The following REPS2 variants were observed in gnomAD, a reference collection of about 807,000 sequenced individuals.
REPS2 encodes the protein RALBP1 associated Eps domain containing 2.
REPS2 carries 23 observed loss-of-function variants against 53.6 expected under a neutral mutation model. That is an observed-to-expected ratio of 0.43 (90% confidence interval 0.31 to 0.61). The LOEUF is 0.61. Ranked by LOEUF, REPS2 falls within the 20% of genes least tolerant of loss-of-function variation. REPS2 has a pLI of 0.11. For missense variants in REPS2, 446 were observed against 534.9 expected, an observed-to-expected ratio of 0.83 and a Z score of 1.64; for synonymous variants, 238 against 218.6, an observed-to-expected ratio of 1.09 and a Z score of -0.78.
intron 2 of REPS2, among the ~76,000 whole-genome samples, chrX:17,007,417 A>G (rs1300907178): frequency 8.9e-6 from 1 of 112,281 alleles, no homozygotes; most frequent in African/African-American, 3.2e-5. Flanking sequence ...ATAAGCTGCG[A>G]TAACAAATGT....
chrX:16,967,418 G>T (rs1184665818), intron 1 of REPS2, among the ~76,000 whole-genome samples: 1 of 110,155 alleles, frequency 9.1e-6, no homozygotes, highest in Non-Finnish European at 1.9e-5. Context: ...GTTTATGCCT[G>T]TAATCCCAGC....
chrX:16,977,609 G>A (rs1446263642), intron 1 of REPS2, among the ~76,000 whole-genome samples: 1 of 108,346 alleles, frequency 9.2e-6, no homozygotes, highest in African/African-American at 3.4e-5. Context: ...CCAGCTACTC[G>A]GCAGGCTGAG....
downstream of REPS2, among the ~76,000 whole-genome samples, chrX:17,156,875 A>G (rs1338048713): frequency 1.8e-5 from 2 of 112,065 alleles, no homozygotes; most frequent in African/African-American, 3.2e-5. Flanking sequence ...CTGCATCCCA[A>G]TCTTTCTGGA....
In REPS2 at chrX:17,147,528, C is replaced by T. The variant is rs1405776432; in HGVS notation, c.*47C>T. On this transcript the variant is annotated 3_prime_UTR_variant, in exon 18 of 18. Transcript: ENST00000357277. Reference sequence around the variant, plus strand: ...AGTGGGTGACCTTGTCTGCCAAGATCTTTCTTTTGAATGTTTTGAACCCAA... The same window carrying T: ...AGTGGGTGACCTTGTCTGCCAAGATTTTTCTTTTGAATGTTTTGAACCCAA... 1 of 1,033,925 alleles carries T rather than the reference C, an allele frequency of 9.7e-7. No individual in the cohort carries two copies. Among genetic ancestry groups the T allele is most frequent in the East Asian group, 3.1e-5 (1 of 32,519 alleles). 85.2% of individuals were successfully genotyped at this position (1,033,925 alleles called of 1,213,427 possible). A position where few individuals can be genotyped will look rare whatever the true frequency, so the allele number is the denominator to read the frequency against.
intron 13 of REPS2, among the ~76,000 whole-genome samples, chrX:17,083,368 G>A: frequency 9.0e-6 from 1 of 111,351 alleles, no homozygotes; most frequent in Non-Finnish European, 1.9e-5. Flanking sequence ...ACAGGCATGA[G>A]CCACTGCGCC....
intron 14 of REPS2, among the ~76,000 whole-genome samples, chrX:17,111,466 A>G (rs2062970603): frequency 8.9e-6 from 1 of 112,773 alleles, no homozygotes; most frequent in Admixed American, 9.4e-5. Flanking sequence ...ATATCACTTA[A>G]GATGCCACCT....
intron 9 of REPS2, among the ~76,000 whole-genome samples, chrX:17,065,581 GT>G (rs1053302263): frequency 9.0e-6 from 1 of 111,162 alleles, no homozygotes; most frequent in African/African-American, 3.3e-5. Context: ...TTGTTTGTTT[GT>G]TTTTTTGTTT....
intron 13 of REPS2, among the ~76,000 whole-genome samples, chrX:17,097,323 C>T (rs1442762303): frequency 8.9e-6 from 1 of 112,024 alleles, no homozygotes; most frequent in African/African-American, 3.2e-5. Context: ...TACTAATAGA[C>T]TTCTCAATTA....
chrX:17,052,639 C>T (rs1358498908), intron 7 of REPS2, among the ~76,000 whole-genome samples, 194 bp downstream of exon 7: 1 of 112,240 alleles, frequency 8.9e-6, no homozygotes, highest in African/African-American at 3.2e-5. Context: ...ATGTCTGGCA[C>T]GTATTAAGCA....
intron 1 of REPS2, among the ~76,000 whole-genome samples, chrX:16,999,967 A>T (rs1433933469): frequency 2.0e-5 from 2 of 100,320 alleles, no homozygotes; most frequent in Non-Finnish European, 4.0e-5. Flanking sequence ...GAATGGCGTG[A>T]ACCCGGGAGG....
chrX:17,042,053 G>A (rs889720851), intron 5 of REPS2, among the ~76,000 whole-genome samples: 2 of 112,359 alleles, frequency 1.8e-5, no homozygotes, highest in African/African-American at 3.2e-5. Flanking sequence ...GGGGTTGAAT[G>A]TTTTAAATAT....
the REPS2 span, among the ~76,000 whole-genome samples, chrX:17,158,764 A>G: frequency 1.8e-4 from 20 of 112,061 alleles, no homozygotes; most frequent in Admixed American, 1.0e-3. Context: ...GAAAGAAACC[A>G]CTGTGCAGGC....
intron 5 of REPS2, among the ~76,000 whole-genome samples, chrX:17,038,133 G>A (rs1323498390): frequency 1.8e-5 from 2 of 112,585 alleles, no homozygotes; most frequent in African/African-American, 6.5e-5. Flanking sequence ...CTCTCTAGGT[G>A]CTTGCAGTCA....
intron 8 of REPS2, among the ~76,000 whole-genome samples, chrX:17,058,561 C>T (rs1250852632): frequency 9.0e-6 from 1 of 111,353 alleles, no homozygotes; most frequent in African/African-American, 3.3e-5. Flanking sequence ...TTTCCTACTG[C>T]CAATGGCTTC....
intron 2 of REPS2, 136 bp downstream of exon 2, chrX:17,006,480 C>T: frequency 3.4e-6 from 2 of 596,737 alleles, no homozygotes; most frequent in Non-Finnish European, 4.9e-6. Context: ...AATAAGAAAA[C>T]TTGGCAGGTA....
chrX:16,980,314 A>T (rs2061005679), intron 1 of REPS2, among the ~76,000 whole-genome samples: 1 of 94,035 alleles, frequency 1.1e-5, no homozygotes, highest in Non-Finnish European at 2.1e-5. Context: ...TTATTTTTAA[A>T]TTTTTTTTAG....
chrX:16,968,188 CAGA>C (rs1569096310), intron 1 of REPS2, among the ~76,000 whole-genome samples: 1 of 111,502 alleles, frequency 9.0e-6, no homozygotes, highest in Non-Finnish European at 1.9e-5. Flanking sequence ...GATCCCAAGG[CAGA>C]AGAATTTTTC....
chrX:17,178,616 CCA>C, the REPS2 span, among the ~76,000 whole-genome samples: 1 of 111,839 alleles, frequency 8.9e-6, no homozygotes, highest in Non-Finnish European at 1.9e-5. Flanking sequence ...AGACATCTCA[CCA>C]CAGACAGGGG....
At chrX:17,116,361 C>T (rs961956442) in intron 14 of REPS2, among the ~76,000 whole-genome samples, 5 of 109,770 alleles carry the variant, frequency 4.6e-5, no homozygotes, top group African/African-American at 1.0e-4. Flanking sequence ...AGGCGCATGC[C>T]ACCACACCTG....
Sources: gnomAD v4.1 joint callset for allele counts (sites outside exome capture counted in the v4.1 genomes callset) on GRCh38, gnomAD v4.1.1 for gene constraint, MANE v1.5 for transcripts, NCBI Gene and HGNC (gene_info 2026-07-23, HGNC 2026-07-21) for gene names.